CDCA2: variants seen among roughly 807,000 people sequenced by gnomAD.
CDCA2 encodes the protein cell division cycle associated 2.
A neutral mutation model predicts 67.0 loss-of-function variants in CDCA2; 44 were observed. The observed-to-expected ratio is 0.66, with a 90% CI of 0.52 to 0.84. The LOEUF (loss-of-function observed/expected upper bound fraction) is 0.84, where lower values mean the gene tolerates loss of function less well. CDCA2 is among the 40% of genes least tolerant of loss of function. CDCA2 has a pLI of 0.00. For synonymous variants in CDCA2, 447 were observed against 418.7 expected (o/e 1.07, Z -0.82); for missense variants, 1,253 against 1,203.2 (o/e 1.04, Z -0.61).
chr8:25,489,721 T>C (rs1247623529), intron 13 of CDCA2, among the ~76,000 whole-genome samples: 4 of 152,228 alleles, frequency 2.6e-5, no homozygotes, highest in Admixed American at 6.5e-5. Flanking sequence ...GTACAGTCTC[T>C]AAGGTTTGTT....
intron 13 of CDCA2, among the ~76,000 whole-genome samples, chr8:25,488,967 A>G (rs1803895856): frequency 6.6e-6 from 1 of 152,154 alleles, no homozygotes; most frequent in East Asian, 1.9e-4. Context: ...TCATCTTTGA[A>G]TCTACCCCAA....
chr8:25,496,116 G>A (rs117775547), intron 13 of CDCA2, among the ~76,000 whole-genome samples: 1,760 of 152,206 alleles, frequency 0.012, 34 homozygotes, highest in South Asian at 0.047. Context: ...AGTGAGCCTG[G>A]TTGGGTCTGT....
At chr8:25,505,218 T>C (rs974227938) in intron 14 of CDCA2, among the ~76,000 whole-genome samples, 1 of 152,200 alleles carries the variant, frequency 6.6e-6, no homozygotes, top group Non-Finnish European at 1.5e-5. Context: ...TGTTTGTTTT[T>C]TGAGATGGAG....
chr8:25,476,956 T>C (rs1803376756), intron 7 of CDCA2, among the ~76,000 whole-genome samples: 1 of 152,230 alleles, frequency 6.6e-6, no homozygotes, highest in Non-Finnish European at 1.5e-5. Context: ...ACTTTTCTTA[T>C]TCAGCTACAA....
At chr8:25,462,276 C>G in intron 4 of CDCA2, 68 bp downstream of exon 4, 9 of 1,469,090 alleles carry the variant, frequency 6.1e-6, no homozygotes, top group Non-Finnish European at 8.5e-6. Flanking sequence ...TTTACACCTT[C>G]TAGTGCATCT....
rs1287750078 is a variant in CDCA2, at chr8:25,470,246, T to G, written c.820+266T>G. ...CCTATGAACATATTAACAAGTATTC[T>G]TTGTTATAGGAACACTACTTGTAAT... On this transcript the variant is annotated intron_variant, in intron 7 of 14. Transcript: ENST00000330560. 7.9e-5 allele frequency among the ~76,000 whole-genome samples: 12 copies of G among 152,232 alleles called. No individual in the cohort carries two copies. In the East Asian group the frequency reaches 2.3e-3, roughly 29 times the overall value.
chr8:25,478,409 C>T (rs1050269701), intron 7 of CDCA2, among the ~76,000 whole-genome samples: 1 of 152,084 alleles, frequency 6.6e-6, no homozygotes, highest in African/African-American at 2.4e-5. Flanking sequence ...TCCTGCTTCC[C>T]CTCTTTCCCC....
chr8:25,483,345 G>A, intron 8 of CDCA2, 54 bp from the exon 9 acceptor site: 2 of 1,154,666 alleles, frequency 1.7e-6, no homozygotes, highest in Non-Finnish European at 2.4e-6. Flanking sequence ...TCTTAATGAT[G>A]ACGTCTATGT....
At chr8:25,500,082 A>G (rs995555077) in intron 13 of CDCA2, among the ~76,000 whole-genome samples, 20 of 152,148 alleles carry the variant, frequency 1.3e-4, no homozygotes, top group Non-Finnish European at 2.8e-4. Flanking sequence ...GACCATGAAA[A>G]AACAGAAATT....
chr8:25,489,002 A>AT (rs1301159771), intron 13 of CDCA2, among the ~76,000 whole-genome samples: 1 of 152,040 alleles, frequency 6.6e-6, no homozygotes, highest in East Asian at 1.9e-4. Context: ...GGGAATCCTG[A>AT]TTTTTTTAGG....
At chr8:25,487,826 G>A (rs1803843368) in intron 12 of CDCA2, among the ~76,000 whole-genome samples, 1 of 152,138 alleles carries the variant, frequency 6.6e-6, no homozygotes, top group African/African-American at 2.4e-5. Context: ...TCTATTAGAA[G>A]AAAAATCTAG....
intron 13 of CDCA2, among the ~76,000 whole-genome samples, chr8:25,493,204 A>C (rs940997927): frequency 5.3e-5 from 8 of 152,232 alleles, no homozygotes; most frequent in Non-Finnish European, 1.2e-4. Context: ...AAGAGCCACA[A>C]TTAACATAGA....
At chr8:25,464,703 G>A (rs1213799115) in intron 4 of CDCA2, among the ~76,000 whole-genome samples, 1 of 152,112 alleles carries the variant, frequency 6.6e-6, no homozygotes, top group Non-Finnish European at 1.5e-5. Context: ...GTTCAAATAT[G>A]TGTGCAAAAA....
chr8:25,497,912 G>A (rs1051979226), intron 13 of CDCA2, among the ~76,000 whole-genome samples: 1 of 152,142 alleles, frequency 6.6e-6, no homozygotes, highest in Admixed American at 6.5e-5. Context: ...TATAGGACAT[G>A]GAGGAACATA....
chr8:25,476,154 T>C (rs1167222067), intron 7 of CDCA2, among the ~76,000 whole-genome samples: 1 of 152,226 alleles, frequency 6.6e-6, no homozygotes, highest in Non-Finnish European at 1.5e-5. Context: ...ATTCAGAATG[T>C]TATTTTTGCC....
chr8:25,469,320 C>T (rs939949227), intron 6 of CDCA2, among the ~76,000 whole-genome samples: 3 of 152,208 alleles, frequency 2.0e-5, no homozygotes, highest in South Asian at 2.1e-4. Flanking sequence ...CCTGTAATCT[C>T]GGCTGCCTCC....
chr8:25,495,885 C>T (rs1804203989), intron 13 of CDCA2, among the ~76,000 whole-genome samples: 1 of 152,074 alleles, frequency 6.6e-6, no homozygotes, highest in Non-Finnish European at 1.5e-5. Context: ...TTTTTAAATC[C>T]AACAAATTTA....
chr8:25,479,525 C>T (rs763678384), intron 7 of CDCA2, among the ~76,000 whole-genome samples: 15 of 152,122 alleles, frequency 9.9e-5, no homozygotes, highest in Non-Finnish European at 1.9e-4. Flanking sequence ...GTGACTCTAG[C>T]GGTAAAATTG....
intron 12 of CDCA2, among the ~76,000 whole-genome samples, chr8:25,487,606 G>T (rs947129927): frequency 3.3e-5 from 5 of 152,122 alleles, no homozygotes; most frequent in Non-Finnish European, 5.9e-5. Flanking sequence ...AGCCGGACGT[G>T]GTGGTGGACG....
Sources: gnomAD v4.1 joint callset for allele counts (sites outside exome capture counted in the v4.1 genomes callset) on GRCh38, gnomAD v4.1.1 for gene constraint, MANE v1.5 for transcripts, NCBI Gene and HGNC (gene_info 2026-07-23, HGNC 2026-07-21) for gene names.